Variants in CAST observed in about 807,000 individuals in gnomAD.
CAST encodes the protein MIR583 host.
In CAST, 76 loss-of-function variants were observed where a neutral mutation model predicts 119.6. The ratio of observed to expected loss-of-function variants is 0.64; its 90% confidence interval spans 0.53 to 0.77. The LOEUF (loss-of-function observed/expected upper bound fraction) is 0.77. Ranked by LOEUF, CAST falls within the 30% of genes least tolerant of loss-of-function variation. The probability of loss-of-function intolerance (pLI) is 0.00; values close to 1 mark genes in which losing one functional copy is unlikely to be tolerated. For missense variants in CAST, 953 were observed against 946.5 expected (o/e 1.01, Z -0.09); for synonymous variants, 319 against 331.6 (o/e 0.96, Z 0.41).
intron 1 of CAST, among the ~76,000 whole-genome samples, chr5:96,627,563 T>C (rs1208685331): frequency 6.6e-6 from 1 of 152,228 alleles, no homozygotes; most frequent in Admixed American, 6.5e-5. Context: ...ATCCACCTTG[T>C]GAAAAATCTT....
the CAST span, among the ~76,000 whole-genome samples, chr5:96,279,097 C>T: frequency 1.3e-5 from 2 of 152,062 alleles, no homozygotes; most frequent in South Asian, 2.1e-4. Context: ...TCTTTTTCTG[C>T]CAAATATCTG....
chr5:96,322,727 G>A, the CAST span, among the ~76,000 whole-genome samples: 3 of 152,100 alleles, frequency 2.0e-5, no homozygotes, highest in Admixed American at 6.6e-5. Context: ...TCTCAGTTGC[G>A]TGTTTTCCTG....
At chr5:96,353,589 G>T in the CAST span, among the ~76,000 whole-genome samples, 5 of 151,546 alleles carry the variant, frequency 3.3e-5, no homozygotes, top group African/African-American at 1.2e-4. Flanking sequence ...AGTCTGTTGA[G>T]GGCCTGAATA....
chr5:96,024,537 A>G, the CAST span, among the ~76,000 whole-genome samples: 11 of 152,338 alleles, frequency 7.2e-5, no homozygotes, highest in African/African-American at 2.4e-4. Flanking sequence ...AACTTAACAC[A>G]GAATCTTATC....
the CAST span, among the ~76,000 whole-genome samples, chr5:96,358,191 T>G: frequency 6.6e-6 from 1 of 152,194 alleles, no homozygotes; most frequent in South Asian, 2.1e-4. Flanking sequence ...CTCTATCATT[T>G]TTTATTGTGT....
the CAST span, among the ~76,000 whole-genome samples, chr5:96,375,914 AATATATAAATATAAAT>A: frequency 1.2e-4 from 17 of 145,652 alleles, no homozygotes; most frequent in African/African-American, 2.8e-4. Flanking sequence ...TATATATATA[AATATATAAATATAAAT>A]ATATATAAAT....
the CAST span, chr5:96,079,342 T>G: frequency 3.4e-6 from 1 of 295,988 alleles, no homozygotes; most frequent in Non-Finnish European, 6.9e-6. Flanking sequence ...TGATTCAATA[T>G]CCTGGCAAGG....
chr5:96,223,943 G>A, the CAST span, among the ~76,000 whole-genome samples: 23 of 152,198 alleles, frequency 1.5e-4, no homozygotes, highest in East Asian at 4.1e-3. Context: ...CTGATATTAG[G>A]TACAGAAAGA....
chr5:96,507,866 C>A, the CAST span, among the ~76,000 whole-genome samples: 1 of 151,972 alleles, frequency 6.6e-6, no homozygotes, highest in East Asian at 1.9e-4. Flanking sequence ...CATAGTTTAC[C>A]GTCAGTAGAA....
chr5:96,078,057 AT>A, the CAST span, among the ~76,000 whole-genome samples: 2 of 152,196 alleles, frequency 1.3e-5, no homozygotes, highest in African/African-American at 2.4e-5. Flanking sequence ...TTAAATTGGT[AT>A]AATAAAGAAA....
At chr5:96,505,420 C>T in the CAST span, among the ~76,000 whole-genome samples, 1 of 151,714 alleles carries the variant, frequency 6.6e-6, no homozygotes, top group African/African-American at 2.4e-5. Flanking sequence ...GTGGAGGTTG[C>T]AGTGAGCCGA....
At chr5:96,536,572 G>C (rs1180603553) in intron 1 of CAST, among the ~76,000 whole-genome samples, 1 of 152,190 alleles carries the variant, frequency 6.6e-6, no homozygotes, top group African/African-American at 2.4e-5. Flanking sequence ...GGTAATTATA[G>C]AAGTGGAAAA....
chr5:96,267,371 C>T, the CAST span, among the ~76,000 whole-genome samples: 1 of 152,074 alleles, frequency 6.6e-6, no homozygotes, highest in South Asian at 2.1e-4. Flanking sequence ...TGCCCCAAGG[C>T]ATATAATAAT....
chr5:96,122,549 G>A, the CAST span, among the ~76,000 whole-genome samples: 3 of 152,224 alleles, frequency 2.0e-5, no homozygotes, highest in South Asian at 2.1e-4. Context: ...AGGTAAAGTC[G>A]AACTTGTTTG....
chr5:96,388,971 A>G, the CAST span, among the ~76,000 whole-genome samples: 16 of 152,262 alleles, frequency 1.1e-4, no homozygotes, highest in African/African-American at 3.6e-4. Flanking sequence ...CCTAGAGTAT[A>G]TTATGCTAAG....
chr5:96,687,713 T>A (rs573439144), intron 2 of CAST, among the ~76,000 whole-genome samples: 1 of 152,284 alleles, frequency 6.6e-6, no homozygotes, highest in East Asian at 1.9e-4. Flanking sequence ...AAATCTGAAA[T>A]CTACAATTTT....
chr5:96,667,993 C>T (rs974390940), intron 1 of CAST, among the ~76,000 whole-genome samples: 16 of 152,032 alleles, frequency 1.1e-4, no homozygotes, highest in Admixed American at 6.6e-4. Flanking sequence ...CCAGCCCGGG[C>T]GACAGAGCAA....
At chr5:96,766,936 T>A (rs746230940) in intron 27 of CAST, among the ~76,000 whole-genome samples, 2 of 152,196 alleles carry the variant, frequency 1.3e-5, no homozygotes, top group Non-Finnish European at 2.9e-5. Context: ...TTGCTTGCAT[T>A]CAGTATTCCT....
the CAST span, among the ~76,000 whole-genome samples, chr5:96,180,299 A>G: frequency 1.3e-5 from 2 of 152,360 alleles, no homozygotes; most frequent in African/African-American, 2.4e-5. Context: ...ATGGGAAATT[A>G]TAGGATTTAC....
Sources: gnomAD v4.1 joint callset for allele counts (sites outside exome capture counted in the v4.1 genomes callset) on GRCh38, gnomAD v4.1.1 for gene constraint, MANE v1.5 for transcripts, NCBI Gene and HGNC (gene_info 2026-07-23, HGNC 2026-07-21) for gene names.